Variants in DRAM2 observed in about 807,000 individuals in gnomAD.
DRAM2 encodes the protein DNA damage regulated autophagy modulator 2.
A neutral mutation model predicts 33.5 loss-of-function variants in DRAM2; 26 were observed. The observed-to-expected ratio is 0.78, with a 90% CI of 0.57 to 1.08. DRAM2 has a LOEUF of 1.08. DRAM2 is among the 50% of genes least tolerant of loss of function. The pLI, the probability that DRAM2 is intolerant of heterozygous loss-of-function variation, is 0.00. For synonymous variants in DRAM2, 98 were observed against 109.5 expected (o/e 0.89, Z 0.66); for missense variants, 311 against 318.1 (o/e 0.98, Z 0.17).
chr1:111,131,459 T>C lies in DRAM2; in HGVS notation c.96A>G (p.Thr32=), dbSNP rs754944621. Residue 32 remains threonine (T), a synonymous_variant, in exon 4 of 10, where the codon ACA becomes ACG. Coordinates refer to ENST00000484310, the MANE Select transcript of DRAM2 (RefSeq NM_001349884.2). The part of the protein sequence containing the change: ...AFIFSYITAV[T]LHHIDPALPY... ...GTAAAGCCGGGTCTATATGGTGGAG[T>C]GTTACTGCAGTAATGTATGAAAATA... The C allele has an allele frequency of 1.4e-5, 22 of 1,613,826 alleles. No homozygotes were observed. The highest frequency in any genetic ancestry group is 1.9e-5 in the Non-Finnish European group (22 of 1,179,964).
chr1:111,127,791 A>G (rs1410906898), intron 4 of DRAM2, among the ~76,000 whole-genome samples: 2 of 152,170 alleles, frequency 1.3e-5, no homozygotes, highest in Non-Finnish European at 2.9e-5. Context: ...ACTGGCCTAC[A>G]AATGAAAACA....
chr1:111,135,489 G>A (rs1343234015), intron 3 of DRAM2, among the ~76,000 whole-genome samples: 2 of 152,194 alleles, frequency 1.3e-5, no homozygotes, highest in African/African-American at 4.8e-5. Flanking sequence ...CCTGTCTTTC[G>A]TAGAAGACCT....
chr1:111,135,443 A>ATTG (rs1652970199), intron 3 of DRAM2, among the ~76,000 whole-genome samples: 1 of 152,050 alleles, frequency 6.6e-6, no homozygotes, highest in Non-Finnish European at 1.5e-5. Context: ...CAGCTTTTTT[A>ATTG]TTGTTGTTGT....
chr1:111,134,029 A>T (rs1195944599), intron 3 of DRAM2, among the ~76,000 whole-genome samples: 1 of 152,174 alleles, frequency 6.6e-6, no homozygotes, highest in Non-Finnish European at 1.5e-5. Context: ...TCTGTTCACT[A>T]TTATATTTCC....
chr1:111,128,941 T>C (rs1424792213), intron 4 of DRAM2, among the ~76,000 whole-genome samples: 2 of 152,226 alleles, frequency 1.3e-5, no homozygotes, highest in Admixed American at 1.3e-4. Flanking sequence ...TGTGGCTCCT[T>C]AGGCTACATA....
At position 111,118,108 on chromosome 1, in the gene DRAM2, T is replaced by C; in HGVS notation, c.*52A>G. On this transcript the variant is annotated 3_prime_UTR_variant, in exon 10 of 10. Coordinates refer to ENST00000484310, the MANE Select transcript of DRAM2 (RefSeq NM_001349884.2). ...GAAGAATAAGCAACTTCTGTGAACC[T>C]TTCCCCAATCCCTGAGAATCATAAT... The C allele has an allele frequency of 6.4e-6, 10 of 1,567,866 alleles. No homozygotes were observed. The highest frequency in any genetic ancestry group is 1.7e-5 in the Admixed American group (1 of 59,770).
At chr1:111,122,825 A>G (rs142025405) in intron 6 of DRAM2, among the ~76,000 whole-genome samples, 2 of 152,314 alleles carry the variant, frequency 1.3e-5, no homozygotes, top group African/African-American at 4.8e-5. Context: ...GATGTTAACA[A>G]AAGAGAAAAA....
At chr1:111,125,616 T>G (rs956036441) in intron 5 of DRAM2, 2 of 152,284 alleles carry the variant, frequency 1.3e-5, no homozygotes, top group Non-Finnish European at 2.9e-5. Context: ...TGAACTTCTT[T>G]AAGTTGAATT....
At chr1:111,121,325 G>A (rs1263110015) in intron 6 of DRAM2, among the ~76,000 whole-genome samples, 1 of 152,026 alleles carries the variant, frequency 6.6e-6, no homozygotes, top group Non-Finnish European at 1.5e-5. Context: ...AAGGATTACT[G>A]GTAATCACCA....
At position 111,118,056 on chromosome 1, in the gene DRAM2, C is replaced by T. The variant is rs1393773319; in HGVS notation, c.*104G>A. On this transcript the variant is annotated 3_prime_UTR_variant, in exon 10 of 10. Transcript: ENST00000484310. ...AGCATTCATCAGTGTTACTGTCAGC[C>T]TTGATTAAGTGGTTGAAAATTTCAG... is the stretch of plus-strand genomic sequence containing the variant. 1 of 1,017,588 alleles carries T rather than the reference C, an allele frequency of 9.8e-7. No homozygotes were observed. The allele number at this position is 1,017,588 out of a possible 1,614,324, so 63.0% of individuals were successfully genotyped here.
At position 111,138,692 on chromosome 1, in the gene DRAM2, G is replaced by A. The variant is rs1363609447; in HGVS notation, c.-79+809C>T. 3.3e-5 allele frequency among the ~76,000 whole-genome samples: 5 copies of A among 152,326 alleles called. No individual in the cohort carries two copies. In the East Asian group the frequency reaches 9.6e-4, roughly 29 times the overall value. ...CCAGCTACTCAGGAGACTGAGGCAG[G>A]AGAATCACTTGAACGCGGGAGGCGG... On this transcript the variant is annotated intron_variant, in intron 2 of 9. Transcript: ENST00000484310.
intron 9 of DRAM2, chr1:111,118,558 T>C (rs1485494846): frequency 2.1e-6 from 1 of 473,130 alleles, no homozygotes. Flanking sequence ...ACAAATTCTA[T>C]GTAAGAATTT....
Position 111,118,030 on chromosome 1 carries a change from C to G in DRAM2, c.*130G>C. The G allele has an allele frequency of 1.3e-6, 1 of 757,356 alleles. No individual in the cohort carries two copies. The highest frequency in any genetic ancestry group is 2.6e-5 in the East Asian group (1 of 38,220). 46.9% of individuals were successfully genotyped at this position (757,356 alleles called of 1,614,324 possible). Reference sequence around the variant, plus strand: ...GGCTTCTTTCATGTTTCCTGATTATCAGCATTCATCAGTGTTACTGTCAGC... The same window carrying G: ...GGCTTCTTTCATGTTTCCTGATTATGAGCATTCATCAGTGTTACTGTCAGC... On this transcript the variant is annotated 3_prime_UTR_variant, in exon 10 of 10. Transcript: ENST00000484310.
At chr1:111,131,938 T>C (rs1407265779) in intron 3 of DRAM2, among the ~76,000 whole-genome samples, 2 of 152,238 alleles carry the variant, frequency 1.3e-5, no homozygotes, top group Admixed American at 1.3e-4. Flanking sequence ...ACCTGTGATA[T>C]TGTGAAATAC....
Position 111,124,730 on chromosome 1 carries a change from TA to T in DRAM2, c.339+11del, listed in dbSNP as rs756447549. The T allele has an allele frequency of 4.8e-5, 77 of 1,613,008 alleles. 1 individual carries two copies. The South Asian group carries it at 7.1e-4, about 15-fold the overall frequency. ...CTTAAGGAAAATACCTATGCTGGGC[TA>T]AAACACAAACCTGGAAGTTTGCCAC... On this transcript the variant is annotated intron_variant, in intron 6 of 9. Transcript: ENST00000484310.
chr1:111,138,313 G>A (rs1653687224), intron 2 of DRAM2, among the ~76,000 whole-genome samples: 1 of 152,204 alleles, frequency 6.6e-6, no homozygotes, highest in African/African-American at 2.4e-5. Flanking sequence ...TTAAATGCAT[G>A]GACTAGGTGA....
At chr1:111,126,134 T>C (rs1650960236) in intron 5 of DRAM2, 93 bp downstream of exon 5, 2 of 783,874 alleles carry the variant, frequency 2.6e-6, no homozygotes, top group African/African-American at 3.4e-5. Flanking sequence ...CAAGTATAAC[T>C]AGAAAGTAAA....
Position 111,124,790 on chromosome 1 carries a change from T to C in DRAM2, c.291A>G (p.Val97=). The C allele has an allele frequency of 6.2e-7, 1 of 1,613,582 alleles. No homozygotes were observed. The highest frequency in any genetic ancestry group is 1.3e-5 in the African/African-American group (1 of 75,030). Residue 97 remains valine, a synonymous_variant, in exon 6 of 10, where the codon GTA becomes GTG. Transcript: ENST00000484310. The part of the protein sequence containing the change: ...VIIKLNKAGL[V]LGILSCLGLS... ...GTCCTAAACAACTCAGTATTCCAAG[T>C]ACAAGGCCAGCCTTGTTTAATTTGA... is the stretch of plus-strand genomic sequence containing the variant.
At chr1:111,139,794 C>T (rs993104611) in intron 1 of DRAM2, 128 bp from the exon 2 acceptor site, 2 of 152,842 alleles carry the variant, frequency 1.3e-5, no homozygotes, top group African/African-American at 4.8e-5. Flanking sequence ...CAGCTGCACT[C>T]ATCCCCGCCC....
Sources: allele counts gnomAD v4.1 joint callset (sites outside exome capture counted in the v4.1 genomes callset), GRCh38; gene constraint gnomAD v4.1.1; transcripts MANE v1.5; gene names NCBI Gene and HGNC (gene_info 2026-07-23, HGNC 2026-07-21).